Variants in ALS2 observed in about 807,000 individuals in gnomAD.
The protein encoded by ALS2 is alsin.
In ALS2, 117 loss-of-function variants were observed where a neutral mutation model predicts 203.4. The observed-to-expected ratio is 0.58, with a 90% confidence interval of 0.50 to 0.67. The LOEUF (loss-of-function observed/expected upper bound fraction) is 0.67, where lower values mean the gene tolerates loss of function less well. Ranked by LOEUF, ALS2 falls within the 30% of genes least tolerant of loss-of-function variation. ALS2 has a pLI of 0.00. For synonymous variants in ALS2, 718 were observed against 725.9 expected (o/e 0.99, Z 0.17); for missense variants, 1,715 against 1,989.4 (o/e 0.86, Z 2.62).
At chr2:201,760,795 A>C in intron 4 of ALS2, 86 bp downstream of exon 4, 1 of 1,491,986 alleles carries the variant, frequency 6.7e-7, no homozygotes, top group Non-Finnish European at 8.9e-7. Flanking sequence ...AATGCTACCA[A>C]GCCTTACTCA....
At chr2:201,718,581 G>GA (rs767890057) in intron 23 of ALS2, among the ~76,000 whole-genome samples, 5 of 151,770 alleles carry the variant, frequency 3.3e-5, no homozygotes, top group Non-Finnish European at 7.4e-5. Flanking sequence ...AAAATCAAGA[G>GA]AAAAAAAGCA....
At chr2:201,748,197 G>A (rs1692795015) in intron 8 of ALS2, among the ~76,000 whole-genome samples, 1 of 152,096 alleles carries the variant, frequency 6.6e-6, no homozygotes, top group African/African-American at 2.4e-5. Flanking sequence ...GTGATTTTGT[G>A]TGTGTGTTGT....
At chr2:201,705,244 GCAA>G (rs758493825) in intron 30 of ALS2, 44 bp from the exon 31 acceptor site, 15 of 1,582,778 alleles carry the variant, frequency 9.5e-6, no homozygotes, top group Non-Finnish European at 1.2e-5. Context: ...ACTATTTTCT[GCAA>G]CAACAGAAAT....
At chr2:201,778,934 A>G (rs919059151) in intron 1 of ALS2, among the ~76,000 whole-genome samples, 5 of 152,176 alleles carry the variant, frequency 3.3e-5, no homozygotes, top group Non-Finnish European at 5.9e-5. Flanking sequence ...TACTTTACCT[A>G]GTCTCACATT....
rs1693764807 is a variant in ALS2 at position 201,761,472 on chromosome 2, C to A, written c.522G>T (p.Trp174Cys). The A allele has an allele frequency of 6.2e-7, 1 of 1,608,972 alleles. No homozygotes were observed. Among genetic ancestry groups the A allele is most frequent in the Non-Finnish European group, 8.5e-7 (1 of 1,175,704 alleles). ...TGAGACCCAACTGACAACCGGTACC[C>A]CATGCCCAAATCTCTCTGCTTATTG... ...ALSISREIWAWGTGCQLGLIT... is the reference protein window; with the variant it reads ...ALSISREIWACGTGCQLGLIT... Residue 174 changes from tryptophan to cysteine, a missense_variant, in exon 4 of 34, where the codon TGG becomes TGT. Around this residue, in one of 3 missense-constraint regions of ALS2, gnomAD observed 476 missense variants for 539.3 expected, o/e 0.88. Transcript: ENST00000264276.
chr2:201,717,562 G>A (rs905483736), intron 24 of ALS2, among the ~76,000 whole-genome samples: 12 of 147,328 alleles, frequency 8.1e-5, no homozygotes, highest in Non-Finnish European at 1.8e-4. Context: ...TCTAAACCAA[G>A]ACTACAGACA....
intron 13 of ALS2, among the ~76,000 whole-genome samples, chr2:201,731,097 A>G (rs1240656191): frequency 6.6e-6 from 1 of 152,226 alleles, no homozygotes; most frequent in Non-Finnish European, 1.5e-5. Context: ...GCAGAAGGTA[A>G]GATCAAAGGA....
Position 201,729,069 on chromosome 2 carries a change from A to C in ALS2, c.2695T>G (p.Phe899Val). Residue 899 changes from phenylalanine (F) to valine (V), a missense_variant, in exon 14 of 34, where the codon TTC becomes GTC. Physicochemically the swap from Phe to Val is conservative, Grantham distance 50. Transcript: ENST00000264276. ...TGGCTTACCGTCATTTTTCCGGGGA[A>C]GGTCTTCCAGAAGCCCAGTGTGTAT... ...AEYTLGFWKT[F>V]PGKMTDSLRK... is the part of the protein sequence containing the mutation. 1 of 1,614,176 alleles carries C rather than the reference A, an allele frequency of 6.2e-7. No homozygotes were observed. The highest frequency in any genetic ancestry group is 8.5e-7 in the Non-Finnish European group (1 of 1,180,018).
intron 2 of ALS2, among the ~76,000 whole-genome samples, chr2:201,768,137 T>C (rs1265787544): frequency 6.6e-6 from 1 of 152,188 alleles, no homozygotes; most frequent in African/African-American, 2.4e-5. Flanking sequence ...TATTTCACTT[T>C]ATGTTGAGTT....
chr2:201,723,904 GC>G (rs1187586699), intron 21 of ALS2, among the ~76,000 whole-genome samples: 2 of 152,056 alleles, frequency 1.3e-5, no homozygotes. Context: ...ATCACTTGAG[GC>G]CAGGAGTTCG....
intron 4 of ALS2, among the ~76,000 whole-genome samples, chr2:201,758,966 C>T (rs546150202): frequency 5.9e-5 from 9 of 152,174 alleles, no homozygotes; most frequent in South Asian, 2.1e-4. Flanking sequence ...CTTAATAAAA[C>T]GAAAAAGAAA....
intron 23 of ALS2, among the ~76,000 whole-genome samples, chr2:201,721,433 G>C (rs528170450): frequency 6.6e-5 from 10 of 152,292 alleles, no homozygotes; most frequent in Admixed American, 5.9e-4. Flanking sequence ...CAGTAATCTA[G>C]ATGGTGTGGT....
At chr2:201,713,575 T>G (rs1355223975) in intron 25 of ALS2, among the ~76,000 whole-genome samples, 1 of 152,260 alleles carries the variant, frequency 6.6e-6, no homozygotes, top group Non-Finnish European at 1.5e-5. Context: ...TCACTGACTC[T>G]TCCATTGCCA....
At chr2:201,758,977 TACAA>T (rs1693586612) in intron 4 of ALS2, among the ~76,000 whole-genome samples, 1 of 152,094 alleles carries the variant, frequency 6.6e-6, no homozygotes, top group Non-Finnish European at 1.5e-5. Context: ...GAAAAAGAAA[TACAA>T]AGCCTATTAC....
At chr2:201,712,512 A>T (rs1342029390) in intron 25 of ALS2, among the ~76,000 whole-genome samples, 1 of 152,226 alleles carries the variant, frequency 6.6e-6, no homozygotes, top group Non-Finnish European at 1.5e-5. Context: ...CATAAAGCTC[A>T]TTTAAAAATT....
chr2:201,763,859 G>C (rs886288794), intron 3 of ALS2, among the ~76,000 whole-genome samples: 1 of 152,150 alleles, frequency 6.6e-6, no homozygotes, highest in South Asian at 2.1e-4. Context: ...ACTTGGCTAC[G>C]GGTTTTAAAA....
chr2:201,731,458 A>G (rs925465240), intron 13 of ALS2, among the ~76,000 whole-genome samples: 11 of 152,276 alleles, frequency 7.2e-5, no homozygotes, highest in African/African-American at 2.6e-4. Flanking sequence ...AAGGCTGATG[A>G]TGAAATCGGT....
intron 7 of ALS2, among the ~76,000 whole-genome samples, chr2:201,750,548 A>G (rs529711660): frequency 2.0e-5 from 3 of 152,170 alleles, no homozygotes; most frequent in Admixed American, 1.3e-4. Flanking sequence ...ATGAAGAGTT[A>G]CTGTAAGAGA....
chr2:201,732,720 T>C (rs1162838445), intron 13 of ALS2, among the ~76,000 whole-genome samples: 3 of 152,230 alleles, frequency 2.0e-5, no homozygotes, highest in Non-Finnish European at 4.4e-5. Flanking sequence ...AGTTTTAACA[T>C]ACATCTATAT....
Sources: allele counts gnomAD v4.1 joint callset (sites outside exome capture counted in the v4.1 genomes callset), GRCh38; gene constraint gnomAD v4.1.1; regional missense constraint gnomAD v4.1.1; transcripts MANE v1.5; gene names NCBI Gene and HGNC (gene_info 2026-07-23, HGNC 2026-07-21).